FGF4: variants seen among roughly 807,000 people sequenced by gnomAD.
FGF4 encodes the protein heparin secretory transforming protein 1.
A neutral mutation model predicts 15.7 loss-of-function variants in FGF4; 9 were observed. The observed-to-expected ratio is 0.57, with a 90% CI of 0.35 to 1.00. FGF4 has a LOEUF of 1.00. Ranked by LOEUF, FGF4 falls within the 50% of genes least tolerant of loss-of-function variation. The pLI is 0.02. For synonymous variants in FGF4, 164 were observed against 144.8 expected, an observed-to-expected ratio of 1.13 and a Z score of -0.95; for missense variants, 286 against 297.3, an observed-to-expected ratio of 0.96 and a Z score of 0.28.
chr11:69,775,049 G>A lies in FGF4; in HGVS notation c.36C>T (p.Leu12=), dbSNP rs765622477. 4.3e-6 allele frequency: 6 copies of A among 1,386,272 alleles called. No individual in the cohort carries two copies. Among genetic ancestry groups the A allele is most frequent in the Admixed American group, 7.0e-5 (2 of 28,448 alleles). The allele number at this position is 1,386,272 out of a possible 1,614,324, so 85.9% of individuals were successfully genotyped here. A position where few individuals can be genotyped will look rare whatever the true frequency, so the allele number is the denominator to read the frequency against. The change falls in exon 1 of 3, where the codon CTC becomes CTT. Residue 12 remains leucine, a synonymous_variant. Transcript: ENST00000168712. ...CCAGCAAGGCCAGCAGGACCGCCGG[G>A]AGCAGCGCTACCGCGGCCGTCCCGG... ...SGPGTAAVAL[L]PAVLLALLAP... is the part of the protein sequence containing the mutation.
rs1175939249 is a variant in FGF4, at chr11:69,772,286, A to C, written c.*1023T>G. The C allele has an allele frequency of 6.6e-6, 1 of 152,236 alleles. No individual in the cohort carries two copies. Among genetic ancestry groups the C allele is most frequent in the Non-Finnish European group, 1.5e-5 (1 of 68,048 alleles). The allele number at this position is 152,236 out of a possible 1,614,324, so 9.4% of individuals were successfully genotyped here. On this transcript the variant is annotated 3_prime_UTR_variant, in exon 3 of 3. Coordinates refer to ENST00000168712, the MANE Select transcript of FGF4 (RefSeq NM_002007.4). ...TTAAACGCACTTAAACAGGGAATGC[A>C]TCAGAAAGCAGCAGGCTGCTCCACG...
Position 69,774,033 on chromosome 11 carries a change from G to C in FGF4, c.435C>G (p.Leu145=). The change falls in exon 2 of 3, where the codon CTC becomes CTG. Residue 145 remains leucine (L), a synonymous_variant. Transcript: ENST00000168712. ...FFVAMSSKGK[L]YGSPFFTDEC... ...CCCCTGCGGTACTCACCGAGCCATA[G>C]AGCTTGCCCTTGCTGCTCATGGCCA... is the stretch of plus-strand genomic sequence containing the variant. 1 of 1,612,726 alleles carries C rather than the reference G, an allele frequency of 6.2e-7. No homozygotes were observed.
rs748429697 is a variant in FGF4 at position 69,773,394 on chromosome 11, A to G, written c.536T>C (p.Ile179Thr). 6.2e-7 allele frequency: 1 copy of G among 1,614,154 alleles called. No homozygotes were observed. Among genetic ancestry groups the G allele is most frequent in the South Asian group, 1.1e-5 (1 of 91,082 alleles). ...GGTCTTCCCATTCTTGCTCAGGGCG[A>G]TGAACATGCCGGGGTACTTGTAGGA... ...YESYKYPGMF[I>T]ALSKNGKTKK... Residue 179 changes from isoleucine to threonine, a missense_variant, in exon 3 of 3, where the codon ATC (isoleucine) becomes ACC (threonine). Physicochemically the swap from Ile to Thr is moderately conservative, Grantham distance 89. Transcript: ENST00000168712.
chr11:69,773,063 C>T lies in FGF4; in HGVS notation c.*246G>A, dbSNP rs1041163723. On this transcript the variant is annotated 3_prime_UTR_variant, in exon 3 of 3. Transcript: ENST00000168712. The stretch of plus-strand genomic sequence containing the variant: ...AGAAATCCAATGGTAAGATTCTCCA[C>T]TGTTGCACCAGAAAAGTCAGAGTTG... The T allele has an allele frequency of 4.4e-6, 2 of 458,882 alleles. No homozygotes were observed. Among genetic ancestry groups the T allele is most frequent in the Non-Finnish European group, 7.8e-6 (2 of 257,978 alleles). The allele number at this position is 458,882 out of a possible 1,614,324, so 28.4% of individuals were successfully genotyped here.
Position 69,771,954 on chromosome 11 carries a change from C to A in FGF4, c.*1355G>T, listed in dbSNP as rs1398862647. ...AACATCACCGACCCTGCCTCTTCCACGGTTGCTTCAATGACAGGGGTTACA... is the reference window on the plus strand; with the variant it reads ...AACATCACCGACCCTGCCTCTTCCAAGGTTGCTTCAATGACAGGGGTTACA... On this transcript the variant is annotated 3_prime_UTR_variant, in exon 3 of 3. Coordinates refer to ENST00000168712, the MANE Select transcript of FGF4 (RefSeq NM_002007.4). 6.6e-6 allele frequency: 1 copy of A among 152,128 alleles called. No individual in the cohort carries two copies. The highest frequency in any genetic ancestry group is 2.4e-5 in the African/African-American group (1 of 41,412). The allele number at this position is 152,128 out of a possible 1,614,324, so 9.4% of individuals were successfully genotyped here.
In FGF4 at chr11:69,774,848, G is replaced by A. The variant is rs759866513; in HGVS notation, c.237C>T (p.Gly79=). ...VQSGAGDYLL[G]IKRLRRLYCN... is the part of the protein sequence containing the mutation. Reference sequence around the variant, plus strand: ...AGTAGAGCCGCCGCAGCCGCTTGATGCCCAGCAGGTAGTCGCCGGCGCCGC... The same window carrying A: ...AGTAGAGCCGCCGCAGCCGCTTGATACCCAGCAGGTAGTCGCCGGCGCCGC... Residue 79 remains glycine, a synonymous_variant, in exon 1 of 3, where the codon GGC becomes GGT. Coordinates refer to ENST00000168712, the MANE Select transcript of FGF4 (RefSeq NM_002007.4). 3.6e-4 allele frequency: 554 copies of A among 1,522,506 alleles called. 4 individuals are homozygous for A. The highest frequency in any genetic ancestry group is 3.0e-3 in the South Asian group (245 of 82,620). 94.3% of individuals were successfully genotyped at this position (1,522,506 alleles called of 1,614,324 possible). A position where few individuals can be genotyped will look rare whatever the true frequency, so the allele number is the denominator to read the frequency against.
At position 69,773,204 on chromosome 11, in the gene FGF4, C is replaced by T; in HGVS notation, c.*105G>A. 1 of 791,752 alleles carries T rather than the reference C, an allele frequency of 1.3e-6. No individual in the cohort carries two copies. The highest frequency in any genetic ancestry group is 2.6e-5 in the Admixed American group (1 of 38,678). 49.0% of individuals were successfully genotyped at this position (791,752 alleles called of 1,614,324 possible). A position where few individuals can be genotyped will look rare whatever the true frequency, so the allele number is the denominator to read the frequency against. On this transcript the variant is annotated 3_prime_UTR_variant, in exon 3 of 3. Coordinates refer to ENST00000168712, the MANE Select transcript of FGF4 (RefSeq NM_002007.4). Reference sequence around the variant, plus strand: ...AATAATTAATTTAAATATCTTACACCTACTCTTGCATTAAACTCTTCATCC... The same window carrying T: ...AATAATTAATTTAAATATCTTACACTTACTCTTGCATTAAACTCTTCATCC...
chr11:69,775,036 G>C lies in FGF4; in HGVS notation c.49C>G (p.Leu17Val), dbSNP rs1590951552. 7.1e-7 allele frequency: 1 copy of C among 1,417,746 alleles called. No homozygotes were observed. The highest frequency in any genetic ancestry group is 3.0e-5 in the Admixed American group (1 of 33,630). The allele number at this position is 1,417,746 out of a possible 1,614,324, so 87.8% of individuals were successfully genotyped here. A position where few individuals can be genotyped will look rare whatever the true frequency, so the allele number is the denominator to read the frequency against. ...AAVALLPAVL[L>V]ALLAPWAGRG... ...CCCGCCCAGGGCGCCAGCAAGGCCAGCAGGACCGCCGGGAGCAGCGCTACC... is the reference window on the plus strand; with the variant it reads ...CCCGCCCAGGGCGCCAGCAAGGCCACCAGGACCGCCGGGAGCAGCGCTACC... The change falls in exon 1 of 3, where the codon CTG becomes GTG. Residue 17 changes from leucine (L) to valine (V), a missense_variant. Transcript: ENST00000168712.
Position 69,774,962 on chromosome 11 carries a change from G to C in FGF4, c.123C>G (p.Ala41=), listed in dbSNP as rs1855622926. The C allele has an allele frequency of 2.7e-6, 4 of 1,475,520 alleles. No individual in the cohort carries two copies. The highest frequency in any genetic ancestry group is 3.6e-6 in the Non-Finnish European group (4 of 1,121,100). The allele number at this position is 1,475,520 out of a possible 1,614,324, so 91.4% of individuals were successfully genotyped here. Residue 41 remains alanine (A), a synonymous_variant, in exon 1 of 3, where the codon GCC becomes GCG. Transcript: ENST00000168712. The stretch of plus-strand genomic sequence containing the variant: ...GGCTCTCCCAGCGGCGCTCCAGCTC[G>C]GCCTCCAGCGTGCCGTTGGGTGCAG... ...APTAPNGTLE[A]ELERRWESLV...
chr11:69,774,687 T>TG, intron 1 of FGF4, 58 bp downstream of exon 1: 1 of 1,300,122 alleles, frequency 7.7e-7, no homozygotes, highest in South Asian at 1.8e-5. Context: ...CTGAGCGGGT[T>TG]GGCCCGGCGG....
rs1855574762 is a variant in FGF4, at chr11:69,771,969, CAG to C, written c.*1338_*1339del. ...GCCTCTTCCACGGTTGCTTCAATGA[CAG>C]GGGTTACATTTGTAAAATATATAAA... On this transcript the variant is annotated 3_prime_UTR_variant, in exon 3 of 3. Transcript: ENST00000168712. 1 of 152,138 alleles carries C rather than the reference CAG, an allele frequency of 6.6e-6. No individual in the cohort carries two copies. The highest frequency in any genetic ancestry group is 2.1e-4 in the South Asian group (1 of 4,830). 9.4% of individuals were successfully genotyped at this position (152,138 alleles called of 1,614,324 possible).
chr11:69,774,899 C>T lies in FGF4; in HGVS notation c.186G>A (p.Ala62=), dbSNP rs2119832811. 3 of 1,484,174 alleles carry T rather than the reference C, an allele frequency of 2.0e-6. No individual in the cohort carries two copies. In the South Asian group the frequency reaches 3.8e-5, roughly 19 times the overall value. The allele number at this position is 1,484,174 out of a possible 1,614,324, so 91.9% of individuals were successfully genotyped here. The change falls in exon 1 of 3, where the codon GCG becomes GCA. Residue 62 remains alanine (A), a synonymous_variant. Transcript: ENST00000168712. The part of the protein sequence containing the change: ...ALSLARLPVA[A]QPKEAAVQSG... ...TCTGGACGGCCGCCTCCTTGGGCTG[C>T]GCTGCCACCGGCAGGCGCGCCAACG...
intron 1 of FGF4, among the ~76,000 whole-genome samples, chr11:69,774,342 GTAGGGGACCCCCGGCGGC>G (rs1351213501): frequency 4.6e-5 from 7 of 152,200 alleles, no homozygotes; most frequent in Non-Finnish European, 8.8e-5. Flanking sequence ...GCTTGCCTGT[GTAGGGGACCCCCGGCGGC>G]CGCACCCAGT....
At position 69,773,263 on chromosome 11, in the gene FGF4, C is replaced by A; in HGVS notation, c.*46G>T. On this transcript the variant is annotated 3_prime_UTR_variant, in exon 3 of 3. Transcript: ENST00000168712. ...TGCACCAAGGTGACCCTCGGCACTG[C>A]CCTCCCAGGGGCTTCCCGAGGCTGA... 1 of 1,578,748 alleles carries A rather than the reference C, an allele frequency of 6.3e-7. No homozygotes were observed. Among genetic ancestry groups the A allele is most frequent in the Non-Finnish European group, 8.7e-7 (1 of 1,149,976 alleles).
intron 2 of FGF4, 127 bp downstream of exon 2, chr11:69,773,897 C>T: frequency 2.8e-6 from 2 of 718,314 alleles, no homozygotes; most frequent in Admixed American, 2.8e-5. Flanking sequence ...GCCTGCCGGT[C>T]CCGTGACCTG....
intron 2 of FGF4, 101 bp downstream of exon 2, chr11:69,773,923 C>A: frequency 2.0e-6 from 2 of 1,000,860 alleles, no homozygotes; most frequent in Non-Finnish European, 1.5e-6. Context: ...CCTGCCACCC[C>A]TCCAAGACCC....
rs1218544786 is a variant in FGF4 at position 69,772,580 on chromosome 11, C to T, written c.*729G>A. 1 of 152,158 alleles carries T rather than the reference C, an allele frequency of 6.6e-6. No individual in the cohort carries two copies. The highest frequency in any genetic ancestry group is 1.5e-5 in the Non-Finnish European group (1 of 68,046). 9.4% of individuals were successfully genotyped at this position (152,158 alleles called of 1,614,324 possible). A position where few individuals can be genotyped will look rare whatever the true frequency, so the allele number is the denominator to read the frequency against. ...CTTCCAGTGGGATATTGATTCCTCT[C>T]CATGGAATTTATGAAAGAGCTTCGT... On this transcript the variant is annotated 3_prime_UTR_variant, in exon 3 of 3. Coordinates refer to ENST00000168712, the MANE Select transcript of FGF4 (RefSeq NM_002007.4).
chr11:69,772,963 G>A lies in FGF4; in HGVS notation c.*346C>T, dbSNP rs1411199332. 7.4e-6 allele frequency: 2 copies of A among 271,226 alleles called. No individual in the cohort carries two copies. Among genetic ancestry groups the A allele is most frequent in the Non-Finnish European group, 1.4e-5 (2 of 141,012 alleles). The allele number at this position is 271,226 out of a possible 1,614,324, so 16.8% of individuals were successfully genotyped here. A position where few individuals can be genotyped will look rare whatever the true frequency, so the allele number is the denominator to read the frequency against. ...TGCTCCACGCCATACTACAGGGGAT[G>A]ACATCGGAATCCAATGTCACCTTTT... On this transcript the variant is annotated 3_prime_UTR_variant, in exon 3 of 3. Transcript: ENST00000168712.
chr11:69,773,472 T>G lies in FGF4; in HGVS notation c.458A>C (p.Asp153Ala). 1 of 1,614,106 alleles carries G rather than the reference T, an allele frequency of 6.2e-7. No individual in the cohort carries two copies. The highest frequency in any genetic ancestry group is 8.5e-7 in the Non-Finnish European group (1 of 1,179,996). ...GKLYGSPFFT[D>A]ECTFKEILLP... ...GAGAATCTCCTTGAACGTGCACTCA[T>G]CGGTGAAGAAGGGCTGCAGCAAAGC... Residue 153 changes from aspartate (D) to alanine (A), a missense_variant, in exon 3 of 3, where the codon GAT becomes GCT. Asp to Ala is a moderately radical substitution (Grantham distance 126, BLOSUM62 -2). Coordinates refer to ENST00000168712, the MANE Select transcript of FGF4 (RefSeq NM_002007.4).
Sources: gnomAD v4.1 joint callset for allele counts (sites outside exome capture counted in the v4.1 genomes callset) on GRCh38, gnomAD v4.1.1 for gene constraint, MANE v1.5 for transcripts, NCBI Gene and HGNC (gene_info 2026-07-23, HGNC 2026-07-21) for gene names.